The following RIMS2 variants were observed in gnomAD, a reference collection of about 807,000 sequenced individuals.
The protein encoded by RIMS2 is regulating synaptic membrane exocytosis 2.
Under a neutral mutation model 174.4 loss-of-function variants are expected in RIMS2, and 59 were observed. That is an observed-to-expected ratio of 0.34 (90% confidence interval 0.27 to 0.42). RIMS2 has a LOEUF of 0.42. Among genes scored for constraint, RIMS2 ranks in the 10% least tolerant of loss-of-function variants. The pLI is 1.00. For synonymous variants in RIMS2, 606 were observed against 572.5 expected, an observed-to-expected ratio of 1.06 and a Z score of -0.84; for missense variants, 1,620 against 1,666.3, an observed-to-expected ratio of 0.97 and a Z score of 0.48.
chr8:103,500,821 G>A lies in RIMS2; in HGVS notation c.-66G>A, dbSNP rs1175248556. 3 of 1,078,830 alleles carry A rather than the reference G, an allele frequency of 2.8e-6. No individual in the cohort carries two copies. The East Asian group carries it at 8.2e-5, about 29-fold the overall frequency. The allele number at this position is 1,078,830 out of a possible 1,614,324, so 66.8% of individuals were successfully genotyped here. On this transcript the variant is annotated 5_prime_UTR_variant, in exon 1 of 24. Transcript: ENST00000504942. The stretch of plus-strand genomic sequence containing the variant: ...CGCTGGAGGCTGCCCCAGCCGCCGC[G>A]CCGGTGCCGCCGCTGCCAGTGGAGT...
intron 19 of RIMS2, among the ~76,000 whole-genome samples, chr8:104,200,554 A>G (rs1563716291): frequency 6.6e-6 from 1 of 152,210 alleles, no homozygotes; most frequent in Non-Finnish European, 1.5e-5. Context: ...AGAATACTTA[A>G]CATATGTATT....
intron 17 of RIMS2, among the ~76,000 whole-genome samples, chr8:103,994,842 A>C (rs1396887728): frequency 6.6e-6 from 1 of 152,156 alleles, no homozygotes; most frequent in Non-Finnish European, 1.5e-5. Context: ...ATTCTTGCTT[A>C]ATGGCTGCTT....
At chr8:103,802,262 G>A (rs1333208550) in intron 3 of RIMS2, among the ~76,000 whole-genome samples, 8 of 152,048 alleles carry the variant, frequency 5.3e-5, no homozygotes, top group Non-Finnish European at 8.8e-5. Context: ...ATTGTAAGGC[G>A]TTCTTAACTG....
At chr8:103,704,148 G>T in intron 2 of RIMS2, among the ~76,000 whole-genome samples, 2 of 147,826 alleles carry the variant, frequency 1.4e-5, no homozygotes, top group South Asian at 2.2e-4. Context: ...TTTATTTTCA[G>T]GCATGTTTCT....
intron 2 of RIMS2, among the ~76,000 whole-genome samples, chr8:103,704,999 C>T (rs1269692246): frequency 6.6e-6 from 1 of 151,320 alleles, no homozygotes; most frequent in Non-Finnish European, 1.5e-5. Context: ...TAATATTGGG[C>T]TTGATTTATT....
intron 1 of RIMS2, among the ~76,000 whole-genome samples, chr8:103,617,163 A>G (rs2095524612): frequency 6.6e-6 from 1 of 152,204 alleles, no homozygotes; most frequent in South Asian, 2.1e-4. Flanking sequence ...TGGATGTGAA[A>G]AGAGGCACAT....
intron 19 of RIMS2, among the ~76,000 whole-genome samples, chr8:104,123,714 G>A (rs750825158): frequency 3.3e-5 from 5 of 151,414 alleles, no homozygotes; most frequent in Non-Finnish European, 7.4e-5. Context: ...ATATAGGCCC[G>A]ATAATGCTTT....
chr8:103,718,060 T>C (rs2097396194), intron 2 of RIMS2, among the ~76,000 whole-genome samples: 1 of 152,232 alleles, frequency 6.6e-6, no homozygotes, highest in Admixed American at 6.5e-5. Context: ...GAACTCATAC[T>C]AGCAATATGA....
At chr8:104,212,513 A>G (rs1048175197) in intron 19 of RIMS2, among the ~76,000 whole-genome samples, 4 of 152,210 alleles carry the variant, frequency 2.6e-5, no homozygotes, top group Non-Finnish European at 1.5e-5. Flanking sequence ...TGAAAGTCCC[A>G]TTGGATGTGA....
intron 19 of RIMS2, among the ~76,000 whole-genome samples, chr8:104,199,207 G>T (rs112984863): frequency 6.6e-6 from 1 of 151,818 alleles, no homozygotes; most frequent in African/African-American, 2.4e-5. Flanking sequence ...GACTACAGGC[G>T]CCCGCCACCA....
chr8:104,100,911 G>A (rs1199127327), intron 19 of RIMS2, among the ~76,000 whole-genome samples: 3 of 132,192 alleles, frequency 2.3e-5, no homozygotes, highest in African/African-American at 5.8e-5. Context: ...TATATTATAT[G>A]TAATATATTA....
intron 3 of RIMS2, among the ~76,000 whole-genome samples, chr8:103,788,325 T>C (rs199738850): frequency 0.8 from 114,938 of 143,118 alleles, 46,633 homozygotes; most frequent in African/African-American, 0.91. Context: ...GAACTGCATT[T>C]CTTTGGAGGA....
intron 19 of RIMS2, among the ~76,000 whole-genome samples, chr8:104,062,421 A>T (rs908312960): frequency 1.1e-4 from 16 of 152,224 alleles, no homozygotes; most frequent in African/African-American, 3.4e-4. Flanking sequence ...AAATTTTAAA[A>T]AAATTCATTA....
intron 19 of RIMS2, among the ~76,000 whole-genome samples, chr8:104,168,652 C>T (rs2098812142): frequency 6.6e-6 from 1 of 151,766 alleles, no homozygotes; most frequent in African/African-American, 2.4e-5. Context: ...TTATTTCTTT[C>T]ATCTGCTCTC....
intron 1 of RIMS2, among the ~76,000 whole-genome samples, chr8:103,680,000 G>T (rs1453563608): frequency 6.6e-6 from 1 of 152,076 alleles, no homozygotes; most frequent in African/African-American, 2.4e-5. Context: ...TAGTGACAGA[G>T]ACTGTATGGA....
chr8:103,563,231 A>G (rs528325428), intron 1 of RIMS2, among the ~76,000 whole-genome samples: 27 of 152,326 alleles, frequency 1.8e-4, no homozygotes, highest in African/African-American at 6.3e-4. Flanking sequence ...CTATCACATT[A>G]TCAGGCTGCA....
chr8:103,863,758 G>A (rs376124974), intron 3 of RIMS2, among the ~76,000 whole-genome samples: 1 of 151,706 alleles, frequency 6.6e-6, no homozygotes, highest in African/African-American at 2.4e-5. Flanking sequence ...GATCTTTTCT[G>A]TTTCTTTAGT....
chr8:104,228,998 A>G (rs537904265), intron 19 of RIMS2, among the ~76,000 whole-genome samples: 31 of 152,318 alleles, frequency 2.0e-4, no homozygotes, highest in African/African-American at 7.0e-4. Flanking sequence ...TTTCACCACC[A>G]TGTGTCCAAA....
Position 103,947,790 on chromosome 8 carries a change from A to G in RIMS2, c.2701+4864A>G, listed in dbSNP as rs193001027. Reference sequence around the variant, plus strand: ...CTTAGGCTACACTTTATTTATTAAAAAAGTAATTATACTGTGACATTGTGA... The same window carrying G: ...CTTAGGCTACACTTTATTTATTAAAGAAGTAATTATACTGTGACATTGTGA... On this transcript the variant is annotated intron_variant, in intron 14 of 23. Coordinates refer to ENST00000504942, the Ensembl canonical transcript of RIMS2. Among the ~76,000 whole-genome samples the G allele has an allele frequency of 6.7e-4, 102 of 152,284 alleles. 1 individual carries two copies. The highest frequency in any genetic ancestry group is 6.7e-3 in the Admixed American group (102 of 15,282).
Sources: gnomAD v4.1 joint callset for allele counts (sites outside exome capture counted in the v4.1 genomes callset) on GRCh38, gnomAD v4.1.1 for gene constraint, MANE v1.5 for transcripts, NCBI Gene and HGNC (gene_info 2026-07-23, HGNC 2026-07-21) for gene names.